Variants in SAMD5 observed in about 807,000 individuals in gnomAD.
The protein encoded by SAMD5 is sterile alpha motif domain containing 5.
A neutral mutation model predicts 11.3 loss-of-function variants in SAMD5; 13 were observed. The ratio of observed to expected loss-of-function variants is 1.15; its 90% CI spans 0.75 to 1.83. The LOEUF (loss-of-function observed/expected upper bound fraction) is 1.83, where lower values mean the gene tolerates loss of function less well. SAMD5 is among the 40% of genes most tolerant of loss of function. SAMD5 has a pLI of 0.00. For synonymous variants in SAMD5, 129 were observed against 111.3 expected (o/e 1.16, Z -1.00); for missense variants, 255 against 239.1 (o/e 1.07, Z -0.44).
At chr6:147,804,747 G>A in the SAMD5 span, among the ~76,000 whole-genome samples, 1 of 152,194 alleles carries the variant, frequency 6.6e-6, no homozygotes, top group Non-Finnish European at 1.5e-5. Flanking sequence ...CAGCACTAGA[G>A]AGTGTTGAAT....
the SAMD5 span, among the ~76,000 whole-genome samples, chr6:147,932,958 T>C: frequency 6.6e-6 from 1 of 152,172 alleles, no homozygotes; most frequent in Non-Finnish European, 1.5e-5. Context: ...GGCATAAGAT[T>C]CATCAATTTT....
chr6:147,871,003 A>G, the SAMD5 span, among the ~76,000 whole-genome samples: 2 of 152,164 alleles, frequency 1.3e-5, no homozygotes, highest in Admixed American at 6.5e-5. Flanking sequence ...ATACTTGTGC[A>G]TATGCTTGCT....
intron 1 of SAMD5, among the ~76,000 whole-genome samples, chr6:147,563,951 A>T (rs1327519906): frequency 6.6e-6 from 1 of 152,216 alleles, no homozygotes; most frequent in African/African-American, 2.4e-5. Context: ...CTACAAGTTG[A>T]AAAGATAAGT....
the SAMD5 span, among the ~76,000 whole-genome samples, chr6:147,918,548 G>T: frequency 1.2e-4 from 18 of 152,224 alleles, no homozygotes; most frequent in East Asian, 3.3e-3. Context: ...AAAAGAGGAA[G>T]TCAAATCGTC....
At chr6:147,752,374 TA>T in the SAMD5 span, among the ~76,000 whole-genome samples, 1 of 152,224 alleles carries the variant, frequency 6.6e-6, no homozygotes, top group Non-Finnish European at 1.5e-5. Context: ...TAAAACCTAA[TA>T]ATAGGAATTT....
At chr6:147,521,935 T>G (rs1229266012) in intron 1 of SAMD5, among the ~76,000 whole-genome samples, 6 of 152,158 alleles carry the variant, frequency 3.9e-5, no homozygotes, top group African/African-American at 1.2e-4. Context: ...TAGTTTTCTT[T>G]GTTTAATTAG....
chr6:147,685,851 G>T (rs1346218011), intron 1 of SAMD5, among the ~76,000 whole-genome samples: 1 of 152,168 alleles, frequency 6.6e-6, no homozygotes, highest in Non-Finnish European at 1.5e-5. Flanking sequence ...GACACACAGT[G>T]ACTAATCAAT....
At chr6:147,896,732 A>C in the SAMD5 span, among the ~76,000 whole-genome samples, 2 of 143,332 alleles carry the variant, frequency 1.4e-5, no homozygotes, top group African/African-American at 5.1e-5. Flanking sequence ...AGAAAAGAAC[A>C]TTAACCAAAA....
chr6:147,660,249 T>G (rs1431081511), intron 1 of SAMD5, among the ~76,000 whole-genome samples: 1 of 152,204 alleles, frequency 6.6e-6, no homozygotes, highest in Non-Finnish European at 1.5e-5. Context: ...TCTCTTCATA[T>G]TCTACCATTT....
chr6:147,929,760 A>T, the SAMD5 span, among the ~76,000 whole-genome samples: 1 of 152,150 alleles, frequency 6.6e-6, no homozygotes, highest in East Asian at 1.9e-4. Context: ...TTGGTGAACA[A>T]ATCTTGGTAA....
chr6:147,933,319 C>T, the SAMD5 span, among the ~76,000 whole-genome samples: 1 of 152,118 alleles, frequency 6.6e-6, no homozygotes, highest in Non-Finnish European at 1.5e-5. Context: ...TCTTGGGAAT[C>T]CATTGAGAAA....
chr6:147,674,219 A>G (rs1001603174), intron 1 of SAMD5, among the ~76,000 whole-genome samples: 1 of 152,148 alleles, frequency 6.6e-6, no homozygotes, highest in African/African-American at 2.4e-5. Context: ...GAAAAACAAG[A>G]CAATCAAAGC....
the SAMD5 span, among the ~76,000 whole-genome samples, chr6:147,948,653 A>G: frequency 1.3e-5 from 2 of 152,158 alleles, no homozygotes; most frequent in African/African-American, 4.8e-5. Context: ...ATATCTGTAT[A>G]GTTAGGTGCT....
chr6:147,651,576 G>A (rs944939175), intron 1 of SAMD5, among the ~76,000 whole-genome samples: 16 of 152,138 alleles, frequency 1.1e-4, no homozygotes, highest in African/African-American at 3.1e-4. Flanking sequence ...CCTTTCCACC[G>A]TGTGAGGACA....
chr6:147,625,202 A>G (rs1790033150), intron 1 of SAMD5, among the ~76,000 whole-genome samples: 1 of 152,206 alleles, frequency 6.6e-6, no homozygotes, highest in Non-Finnish European at 1.5e-5. Flanking sequence ...TCTCCCAGGG[A>G]TAATGGAATC....
At chr6:147,873,673 T>C in the SAMD5 span, among the ~76,000 whole-genome samples, 1 of 152,200 alleles carries the variant, frequency 6.6e-6, no homozygotes, top group African/African-American at 2.4e-5. Flanking sequence ...ATTAAGTGGT[T>C]CTAATTTTAT....
chr6:147,867,279 GTTTTTTTTTTTTT>G, the SAMD5 span, among the ~76,000 whole-genome samples: 1 of 115,396 alleles, frequency 8.7e-6, no homozygotes. Flanking sequence ...GGTCAAAAAG[GTTTTTTTTTTTTT>G]TTTTTTTTTA....
chr6:147,638,647 T>C lies in SAMD5; in HGVS notation c.163-98670T>C, dbSNP rs185414369. Reference sequence around the variant, plus strand: ...CGGGTAACTGTGTGTGCGTGGCCAGTGGGTTGGCCAACTCATCTTCTGGCA... The same window carrying C: ...CGGGTAACTGTGTGTGCGTGGCCAGCGGGTTGGCCAACTCATCTTCTGGCA... On this transcript the variant is annotated intron_variant, in intron 1 of 1. Transcript: ENST00000566741. Among the ~76,000 whole-genome samples, 103 of 152,306 alleles carry C rather than the reference T, an allele frequency of 6.8e-4. 1 individual carries two copies. Among genetic ancestry groups the C allele is most frequent in the African/African-American group, 2.3e-3 (94 of 41,564 alleles).
At chr6:147,756,927 C>CTTAT in the SAMD5 span, among the ~76,000 whole-genome samples, 1 of 152,170 alleles carries the variant, frequency 6.6e-6, no homozygotes, top group Non-Finnish European at 1.5e-5. Context: ...TTCCCAGAGG[C>CTTAT]TTATTTTAGC....
Sources: allele counts gnomAD v4.1 joint callset (sites outside exome capture counted in the v4.1 genomes callset), GRCh38; gene constraint gnomAD v4.1.1; transcripts MANE v1.5; gene names NCBI Gene and HGNC (gene_info 2026-07-23, HGNC 2026-07-21).